The following UGT2A3 variants were observed in gnomAD, a reference collection of about 807,000 sequenced individuals.
UGT2A3 encodes the protein UDP glucuronosyltransferase family 2 member A3, also known as UDP-glucuronosyltransferase 2A3.
In UGT2A3, 55 loss-of-function variants were observed where a neutral mutation model predicts 44.1. That is an observed-to-expected ratio of 1.25 (90% CI 1.00 to 1.56). The LOEUF (loss-of-function observed/expected upper bound fraction) is 1.56, where lower values mean the gene tolerates loss of function less well. Ranked by LOEUF, UGT2A3 falls within the 40% of genes most tolerant of loss-of-function variation. The pLI, the probability that UGT2A3 is intolerant of heterozygous loss-of-function variation, is 0.00. For missense variants in UGT2A3, 733 were observed against 621.6 expected (o/e 1.18, Z -1.91); for synonymous variants, 243 against 215.1 (o/e 1.13, Z -1.13).
chr4:68,951,073 A>C lies in UGT2A3; in HGVS notation c.688T>G (p.Trp230Gly). 1 of 1,592,698 alleles carries C rather than the reference A, an allele frequency of 6.3e-7. No homozygotes were observed. The highest frequency in any genetic ancestry group is 1.7e-4 in the Middle Eastern group (1 of 5,908). ...AATGCCTTACTATAAAACTCTTCCC[A>C]AAAATGATAGTCGTAATCCTGAATC... ...FWIQDYDYHF[W>G]EEFYSKALGR... Residue 230 changes from tryptophan to glycine, a missense_variant, in exon 1 of 6, where the codon TGG becomes GGG. By Grantham distance (184) the Trp-to-Gly change is radical (BLOSUM62 -2). Coordinates refer to ENST00000251566, the MANE Select transcript of UGT2A3 (RefSeq NM_024743.4).
chr4:68,945,490 A>T (rs1187213674), intron 1 of UGT2A3, 36 bp from the exon 2 acceptor site: 10 of 1,516,930 alleles, frequency 6.6e-6, no homozygotes, highest in Middle Eastern at 3.5e-4. Context: ...ATTAGCATAC[A>T]ATTCAAATAA....
At chr4:68,942,510 T>TACATATATAC (rs1718231913) in intron 2 of UGT2A3, among the ~76,000 whole-genome samples, 1 of 8,848 alleles carries the variant, frequency 1.1e-4, no homozygotes, top group Admixed American at 7.6e-4. Flanking sequence ...TGGAGATATA[T>TACATATATAC]ATATATATAT....
At chr4:68,943,944 C>A (rs1718284242) in intron 2 of UGT2A3, among the ~76,000 whole-genome samples, 1 of 151,812 alleles carries the variant, frequency 6.6e-6, no homozygotes, top group South Asian at 2.1e-4. Context: ...CACCCTGGAT[C>A]CCAGTTAACA....
At chr4:68,945,981 A>G (rs1028856982) in intron 1 of UGT2A3, among the ~76,000 whole-genome samples, 1 of 151,540 alleles carries the variant, frequency 6.6e-6, no homozygotes, top group African/African-American at 2.4e-5. Flanking sequence ...AACTTGCTGT[A>G]TTGCATATCA....
At chr4:68,938,518 A>G (rs2109785338) in intron 2 of UGT2A3, among the ~76,000 whole-genome samples, 1 of 152,212 alleles carries the variant, frequency 6.6e-6, no homozygotes, top group South Asian at 2.1e-4. Context: ...CATGCTAGTA[A>G]CTCTCAATAA....
At chr4:68,935,272 GTATGTATATATATATATATA>G (rs1272290881) in intron 2 of UGT2A3, among the ~76,000 whole-genome samples, 47 of 89,284 alleles carry the variant, frequency 5.3e-4, no homozygotes, top group African/African-American at 1.5e-3. Flanking sequence ...ATGTATGTAT[GTATGTATATATATATATATA>G]TATATATATA....
In UGT2A3 at chr4:68,930,722, A is replaced by T. The variant is rs776397094; in HGVS notation, c.1128T>A (p.Asn376Lys). 6.2e-7 allele frequency: 1 copy of T among 1,611,898 alleles called. No homozygotes were observed. The change falls in exon 5 of 6, where the codon AAT becomes AAA. Residue 376 changes from asparagine (N) to lysine (K), a missense_variant. By Grantham distance (94) the Asn-to-Lys change is moderately conservative (BLOSUM62 0). Coordinates refer to ENST00000251566, the MANE Select transcript of UGT2A3 (RefSeq NM_024743.4). ...TKAFITHGGM[N>K]GIYEAIYHGV... is the part of the protein sequence containing the mutation. ...CATGGTAAATAGCTTCATAGATCCCATTCATTCCACCATGAGTGATAAAAG... is the reference window on the plus strand; with the variant it reads ...CATGGTAAATAGCTTCATAGATCCCTTTCATTCCACCATGAGTGATAAAAG...
At chr4:68,941,688 G>C (rs917494962) in intron 2 of UGT2A3, among the ~76,000 whole-genome samples, 1 of 151,804 alleles carries the variant, frequency 6.6e-6, no homozygotes, top group East Asian at 1.9e-4. Flanking sequence ...GCAAACAACA[G>C]GGTGAAGAGA....
chr4:68,936,511 TGA>T (rs1717956875), intron 2 of UGT2A3, among the ~76,000 whole-genome samples: 1 of 152,058 alleles, frequency 6.6e-6, no homozygotes, highest in African/African-American at 2.4e-5. Flanking sequence ...AAGCAAATGC[TGA>T]GAGATTTTGT....
At chr4:68,939,043 A>G (rs1403261213) in intron 2 of UGT2A3, among the ~76,000 whole-genome samples, 1 of 152,158 alleles carries the variant, frequency 6.6e-6, no homozygotes, top group African/African-American at 2.4e-5. Flanking sequence ...TCAATGAAAT[A>G]AAAGAGGACA....
At chr4:68,949,650 C>A (rs2109798277) in intron 1 of UGT2A3, among the ~76,000 whole-genome samples, 1 of 151,962 alleles carries the variant, frequency 6.6e-6, no homozygotes, top group East Asian at 2.0e-4. Flanking sequence ...TTGTAAATTG[C>A]AATTTTTGTG....
In UGT2A3 at chr4:68,928,979, A is replaced by C. The variant is rs939260344; in HGVS notation, c.*834T>G. On this transcript the variant is annotated 3_prime_UTR_variant, in exon 6 of 6. Transcript: ENST00000251566. ...GAATTATGAGTATTCATCATTTTTA[A>C]AGAATAAACATATAAATCTTCTTTA... 7 of 152,082 alleles carry C rather than the reference A, an allele frequency of 4.6e-5. No homozygotes were observed. Among genetic ancestry groups the C allele is most frequent in the Admixed American group, 3.9e-4 (6 of 15,250 alleles). 9.4% of individuals were successfully genotyped at this position (152,082 alleles called of 1,614,324 possible).
intron 2 of UGT2A3, among the ~76,000 whole-genome samples, chr4:68,934,138 G>A (rs1017351071): frequency 6.6e-6 from 1 of 151,520 alleles, no homozygotes; most frequent in Admixed American, 6.6e-5. Flanking sequence ...TTAAATATCC[G>A]ACATCAAATT....
chr4:68,951,786 C>A lies in UGT2A3; in HGVS notation c.-26G>T, dbSNP rs1718608994. ...GATGGCAGTTCCCTCACACACTGAT[C>A]TGCAATGGTTTTGTAGTTACTAAGC... On this transcript the variant is annotated 5_prime_UTR_variant, in exon 1 of 6. Transcript: ENST00000251566. 8 of 1,514,642 alleles carry A rather than the reference C, an allele frequency of 5.3e-6. No homozygotes were observed. Among genetic ancestry groups the A allele is most frequent in the Non-Finnish European group, 7.1e-6 (8 of 1,125,200 alleles). 93.8% of individuals were successfully genotyped at this position (1,514,642 alleles called of 1,614,324 possible).
chr4:68,939,673 C>A (rs762486322), intron 2 of UGT2A3, among the ~76,000 whole-genome samples: 6 of 152,046 alleles, frequency 3.9e-5, no homozygotes, highest in Non-Finnish European at 7.4e-5. Context: ...AAAGCAATGG[C>A]AACAAAAGCC....
chr4:68,932,797 T>C, intron 2 of UGT2A3, 38 bp from the exon 3 acceptor site: 2 of 1,566,776 alleles, frequency 1.3e-6, no homozygotes, highest in Non-Finnish European at 8.6e-7. Context: ...AGAGGCATAA[T>C]ATAACAAAAA....
chr4:68,944,039 A>T (rs1256279384), intron 2 of UGT2A3, among the ~76,000 whole-genome samples: 2 of 151,790 alleles, frequency 1.3e-5, no homozygotes, highest in African/African-American at 4.8e-5. Context: ...TCTTCTTCCT[A>T]GTGGCCTTAC....
intron 1 of UGT2A3, among the ~76,000 whole-genome samples, chr4:68,946,715 T>C (rs1379494681): frequency 6.6e-6 from 1 of 151,664 alleles, no homozygotes. Context: ...ACTAATAAAA[T>C]AATTTCACAT....
At chr4:68,939,553 G>A (rs1005898613) in intron 2 of UGT2A3, among the ~76,000 whole-genome samples, 1 of 152,062 alleles carries the variant, frequency 6.6e-6, no homozygotes, top group Non-Finnish European at 1.5e-5. Flanking sequence ...AATTTAAGAT[G>A]GATTAAAGAC....
Sources: gnomAD v4.1 joint callset for allele counts (sites outside exome capture counted in the v4.1 genomes callset) on GRCh38, gnomAD v4.1.1 for gene constraint, MANE v1.5 for transcripts, NCBI Gene and HGNC (gene_info 2026-07-23, HGNC 2026-07-21) for gene names.